The following WDPCP variants were observed in gnomAD, a reference collection of about 807,000 sequenced individuals.
WDPCP encodes WD repeat-containing and planar cell polarity effector protein fritz homolog.
In WDPCP, 71 loss-of-function variants were observed where a neutral mutation model predicts 93.1. The ratio of observed to expected loss-of-function variants is 0.76; its 90% CI spans 0.63 to 0.93. The LOEUF (loss-of-function observed/expected upper bound fraction) is 0.93. Among genes scored for constraint, WDPCP ranks in the 40% least tolerant of loss-of-function variants. The pLI, the probability that WDPCP is intolerant of heterozygous loss-of-function variation, is 0.00. For synonymous variants in WDPCP, 315 were observed against 315.0 expected (o/e 1.00, Z 0.00); for missense variants, 844 against 887.4 (o/e 0.95, Z 0.62).
chr2:63,442,232 G>T (rs1697547514), intron 6 of WDPCP: 1 of 152,180 alleles, frequency 6.6e-6, no homozygotes, highest in South Asian at 2.1e-4. Flanking sequence ...GACACTGACA[G>T]TGTAATTTAA....
At chr2:63,575,888 G>A in intron 1 of WDPCP, among the ~76,000 whole-genome samples, 1 of 151,826 alleles carries the variant, frequency 6.6e-6, no homozygotes. Context: ...GACTAACTCT[G>A]GCATTTTAAC....
intron 1 of WDPCP, among the ~76,000 whole-genome samples, chr2:63,569,017 C>G (rs903385650): frequency 2.0e-5 from 3 of 152,158 alleles, no homozygotes; most frequent in African/African-American, 4.8e-5. Flanking sequence ...GAAGAGGAAT[C>G]TCTACTTTAT....
chr2:63,123,023 G>A (rs1264333960), intron 17 of WDPCP, among the ~76,000 whole-genome samples: 3 of 148,814 alleles, frequency 2.0e-5, no homozygotes, highest in African/African-American at 5.0e-5. Flanking sequence ...GTATGTGCCT[G>A]TAGACCTTGA....
chr2:63,760,199 A>G (rs1402159096), intron 2 of WDPCP, among the ~76,000 whole-genome samples: 1 of 152,222 alleles, frequency 6.6e-6, no homozygotes, highest in Non-Finnish European at 1.5e-5. Flanking sequence ...ACAACAGAAT[A>G]TTAAACCCCA....
chr2:63,537,073 T>C (rs919753138), intron 1 of WDPCP, among the ~76,000 whole-genome samples: 1 of 152,166 alleles, frequency 6.6e-6, no homozygotes, highest in Non-Finnish European at 1.5e-5. Flanking sequence ...CAGCTCACCA[T>C]TTCTAAAGCT....
chr2:63,204,456 C>T (rs749037426), intron 14 of WDPCP, among the ~76,000 whole-genome samples: 15 of 151,464 alleles, frequency 9.9e-5, no homozygotes, highest in Non-Finnish European at 2.1e-4. Flanking sequence ...ATTCTCTTGC[C>T]TCAGCCTCCC....
intron 2 of WDPCP, among the ~76,000 whole-genome samples, chr2:63,693,602 A>G (rs1668920704): frequency 6.6e-6 from 1 of 152,116 alleles, no homozygotes; most frequent in Non-Finnish European, 1.5e-5. Flanking sequence ...GAGTACAGAG[A>G]TTAGAAACCA....
intron 9 of WDPCP, among the ~76,000 whole-genome samples, chr2:63,415,725 A>G (rs1380118821): frequency 1.3e-5 from 2 of 152,222 alleles, no homozygotes; most frequent in African/African-American, 2.4e-5. Context: ...AATCAGAGAG[A>G]GGAAATGGGA....
chr2:63,400,394 C>T (rs1575332718), intron 10 of WDPCP, among the ~76,000 whole-genome samples: 1 of 152,018 alleles, frequency 6.6e-6, no homozygotes, highest in Admixed American at 6.6e-5. Flanking sequence ...ATGACAAGGA[C>T]GCCAAAAGCA....
At chr2:63,527,299 C>T (rs529207947) in intron 1 of WDPCP, among the ~76,000 whole-genome samples, 2 of 151,328 alleles carry the variant, frequency 1.3e-5, no homozygotes, top group East Asian at 1.9e-4. Flanking sequence ...TATACCTGTG[C>T]CATGTTGGTG....
intron 6 of WDPCP, among the ~76,000 whole-genome samples, chr2:63,454,047 G>T (rs958561588): frequency 1.3e-5 from 2 of 151,048 alleles, no homozygotes; most frequent in African/African-American, 4.9e-5. Flanking sequence ...ATGGCACATG[G>T]ATACATATGT....
At chr2:63,827,076 AGACTCCCTAGT>A (rs144889634) in intron 1 of WDPCP, among the ~76,000 whole-genome samples, 4,463 of 152,246 alleles carry the variant, frequency 0.029, 223 homozygotes, top group African/African-American at 0.1. Flanking sequence ...CATCCTAGAA[AGACTCCCTAGT>A]GAACAAAATG....
intron 2 of WDPCP, among the ~76,000 whole-genome samples, chr2:63,788,624 T>C (rs1355412840): frequency 6.6e-6 from 1 of 152,204 alleles, no homozygotes; most frequent in African/African-American, 2.4e-5. Context: ...AAAGGACATT[T>C]TTATTTTTAC....
At chr2:63,611,333 AT>A (rs201203580) in intron 3 of WDPCP, among the ~76,000 whole-genome samples, 1 of 152,050 alleles carries the variant, frequency 6.6e-6, no homozygotes, top group Non-Finnish European at 1.5e-5. Context: ...AACACAGCAG[AT>A]TTTTTTTAAT....
chr2:63,598,866 A>G lies in WDPCP; in HGVS notation n.488+51793T>C, dbSNP rs1709365974. Among the ~76,000 whole-genome samples the G allele has an allele frequency of 2.7e-5, 4 of 150,522 alleles. No individual in the cohort carries two copies. The South Asian group carries it at 8.4e-4, about 32-fold the overall frequency. On this transcript the variant is annotated intron_variant and non_coding_transcript_variant, in intron 3 of 4. Transcript: ENST00000467687. The stretch of plus-strand genomic sequence containing the variant: ...CTGCACTACTTAGAGACAATGAAGT[A>G]TCTTGTCTACAGCTTGTCAAAAGAG...
intron 14 of WDPCP, among the ~76,000 whole-genome samples, chr2:63,241,817 A>C (rs2104645215): frequency 6.6e-6 from 1 of 152,186 alleles, no homozygotes; most frequent in South Asian, 2.1e-4. Context: ...GCTGGTCTCA[A>C]ACTTCTGGGC....
At chr2:63,593,490 G>A (rs1709241434), upstream of WDPCP, 1 of 464,058 alleles carries the variant, frequency 2.2e-6, no homozygotes, top group African/African-American at 2.0e-5. Flanking sequence ...AGTGTCAGAA[G>A]CTTGAAAGAA....
At chr2:63,344,648 T>C (rs1294665056) in intron 12 of WDPCP, among the ~76,000 whole-genome samples, 1 of 152,212 alleles carries the variant, frequency 6.6e-6, no homozygotes, top group Admixed American at 6.5e-5. Context: ...ATCCCTTGAC[T>C]GAGACAGCTA....
At chr2:63,319,546 G>T (rs72813485) in intron 12 of WDPCP, among the ~76,000 whole-genome samples, 10 of 152,148 alleles carry the variant, frequency 6.6e-5, no homozygotes, top group Non-Finnish European at 5.9e-5. Context: ...TGGATACACA[G>T]AACTTAAATC....
Sources: allele counts gnomAD v4.1 joint callset (sites outside exome capture counted in the v4.1 genomes callset), GRCh38; gene constraint gnomAD v4.1.1; transcripts MANE v1.5; gene names NCBI Gene and HGNC (gene_info 2026-07-23, HGNC 2026-07-21).